NMI: variants seen among roughly 807,000 people sequenced by gnomAD.
NMI encodes the protein N-myc and STAT interactor.
In NMI, 39 loss-of-function variants were observed where a neutral mutation model predicts 34.3. The ratio of observed to expected loss-of-function variants is 1.14; its 90% CI spans 0.88 to 1.49. The LOEUF (loss-of-function observed/expected upper bound fraction) is 1.49. Ranked by LOEUF, NMI falls within the 40% of genes most tolerant of loss-of-function variation. NMI has a pLI of 0.00. For missense variants in NMI, 339 were observed against 358.1 expected (o/e 0.95, Z 0.43); for synonymous variants, 113 against 120.3 (o/e 0.94, Z 0.40).
intron 3 of NMI, 48 bp downstream of exon 3, chr2:151,281,900 A>G: frequency 4.3e-6 from 4 of 921,966 alleles, no homozygotes; most frequent in Non-Finnish European, 7.0e-6. Flanking sequence ...TTTTCCAAAA[A>G]CCATGCATCC....
chr2:151,270,680 G>T lies in NMI; in HGVS notation c.*13C>A, dbSNP rs955338586. The T allele has an allele frequency of 1.3e-6, 2 of 1,582,628 alleles. No individual in the cohort carries two copies. The highest frequency in any genetic ancestry group is 3.3e-4 in the Middle Eastern group (2 of 5,984). ...CGGGTTAAAAAGCTATAGTTTTCAT[G>T]ATTCTGTTAAGTCTATTCTTCAAAG... On this transcript the variant is annotated 3_prime_UTR_variant, in exon 8 of 8. Coordinates refer to ENST00000243346, the MANE Select transcript of NMI (RefSeq NM_004688.3).
At chr2:151,270,993 A>C in intron 7 of NMI, 118 bp from the exon 8 acceptor site, 1 of 848,664 alleles carries the variant, frequency 1.2e-6, no homozygotes, top group Non-Finnish European at 1.8e-6. Flanking sequence ...AAGAAATCTT[A>C]GGAAGATTTT....
intron 1 of NMI, among the ~76,000 whole-genome samples, chr2:151,287,424 A>G (rs1350603783): frequency 6.6e-6 from 1 of 152,084 alleles, no homozygotes; most frequent in African/African-American, 2.4e-5. Context: ...ATGGTCTGAT[A>G]CATTCTAACT....
chr2:151,270,881 A>G lies in NMI; in HGVS notation c.742-6T>C, dbSNP rs1357087563. ...TTAGATGTTCCTGAAAATATCTAAG[A>G]AGGAAAAAATGATAAATAGAAAGAT... On this transcript the variant is annotated splice_region_variant and splice_polypyrimidine_tract_variant and intron_variant, in intron 7 of 7. Transcript: ENST00000243346. 5.0e-6 allele frequency: 8 copies of G among 1,604,318 alleles called. No individual in the cohort carries two copies. In the African/African-American group the frequency reaches 1.1e-4, roughly 22 times the overall value.
chr2:151,288,562 TGA>T (rs921111427), intron 1 of NMI, among the ~76,000 whole-genome samples: 3 of 146,646 alleles, frequency 2.0e-5, no homozygotes, highest in African/African-American at 7.8e-5. Context: ...ATTGTGTATG[TGA>T]GTGTGTGTGT....
rs1683166003 is a variant in NMI, at chr2:151,270,661, A to T, written c.*32T>A. Reference sequence around the variant, plus strand: ...TCAAACATTTACAGTAATCCGGGTTAAAAAGCTATAGTTTTCATGATTCTG... The same window carrying T: ...TCAAACATTTACAGTAATCCGGGTTTAAAAGCTATAGTTTTCATGATTCTG... On this transcript the variant is annotated 3_prime_UTR_variant, in exon 8 of 8. Coordinates refer to ENST00000243346, the MANE Select transcript of NMI (RefSeq NM_004688.3). 1 of 1,534,976 alleles carries T rather than the reference A, an allele frequency of 6.5e-7. No individual in the cohort carries two copies. The highest frequency in any genetic ancestry group is 8.9e-7 in the Non-Finnish European group (1 of 1,129,798).
At chr2:151,271,345 T>G (rs977704489) in intron 7 of NMI, among the ~76,000 whole-genome samples, 10 of 152,316 alleles carry the variant, frequency 6.6e-5, no homozygotes, top group African/African-American at 2.2e-4. Context: ...ACAGTAGACA[T>G]ATGAGAGAAA....
At chr2:151,278,267 T>C (rs1683324993) in intron 4 of NMI, 1 of 152,750 alleles carries the variant, frequency 6.5e-6, no homozygotes, top group South Asian at 2.1e-4. Context: ...AACCCCCAGC[T>C]CTGAACAGGG....
intron 6 of NMI, among the ~76,000 whole-genome samples, chr2:151,274,279 G>A (rs1205004742): frequency 1.4e-5 from 2 of 141,620 alleles, no homozygotes; most frequent in Non-Finnish European, 3.0e-5. Context: ...GGAAGCGGAG[G>A]TTGCAGTGAG....
At position 151,275,688 on chromosome 2, in the gene NMI, G is replaced by A. The variant is rs537397238; in HGVS notation, c.448-18C>T. On this transcript the variant is annotated intron_variant, in intron 5 of 7. Transcript: ENST00000243346. ...ACATAAACCTGGAAAATGATTTGAT[G>A]TTCAGAAATATGGATGAGAGAAGTG... 108 of 1,612,698 alleles carry A rather than the reference G, an allele frequency of 6.7e-5. 1 individual carries two copies. The South Asian group carries it at 1.2e-3, about 17-fold the overall frequency.
In NMI at chr2:151,272,077, G is replaced by A. The variant is rs116221814; in HGVS notation, c.635-345C>T. 5.2e-3 allele frequency among the ~76,000 whole-genome samples: 795 copies of A among 152,252 alleles called. 12 individuals carry two copies. Among genetic ancestry groups the A allele is most frequent in the African/African-American group, 0.018 (756 of 41,530 alleles). On this transcript the variant is annotated intron_variant, in intron 6 of 7. Transcript: ENST00000243346. ...CCCACTCATCTAACAAGACTGGACTGTTTCCCAGTTTCTCAAAAGCTGTAA... is the reference window on the plus strand; with the variant it reads ...CCCACTCATCTAACAAGACTGGACTATTTCCCAGTTTCTCAAAAGCTGTAA...
intron 6 of NMI, among the ~76,000 whole-genome samples, chr2:151,275,095 G>A (rs1011337005): frequency 1.3e-5 from 2 of 151,950 alleles, no homozygotes; most frequent in African/African-American, 4.8e-5. Flanking sequence ...GATTCTCCCT[G>A]CCTCAGCCTC....
chr2:151,272,520 T>TC (rs958173461), intron 6 of NMI, among the ~76,000 whole-genome samples: 1 of 152,078 alleles, frequency 6.6e-6, no homozygotes, highest in Admixed American at 6.6e-5. Context: ...GTATGACAGT[T>TC]CCCCAAAATA....
chr2:151,287,485 A>C (rs568094772), intron 1 of NMI, among the ~76,000 whole-genome samples: 1 of 152,106 alleles, frequency 6.6e-6, no homozygotes, highest in East Asian at 1.9e-4. Context: ...CAGTTCCCTA[A>C]CCACACTGAA....
intron 3 of NMI, among the ~76,000 whole-genome samples, chr2:151,281,554 T>C (rs1402837418): frequency 6.6e-6 from 1 of 152,134 alleles, no homozygotes; most frequent in Admixed American, 6.5e-5. Context: ...CCCCCTTGGG[T>C]TCCCTTCTGG....
At position 151,282,849 on chromosome 2, in the gene NMI, C is replaced by A; in HGVS notation, c.81+19G>T. On this transcript the variant is annotated intron_variant, in intron 2 of 7. Coordinates refer to ENST00000243346, the MANE Select transcript of NMI (RefSeq NM_004688.3). ...GATATAAAATAATTTTTAATAATAC[C>A]CAGTAATTTCCTTTTTACCTTATTT... 3.3e-6 allele frequency: 4 copies of A among 1,205,406 alleles called. No homozygotes were observed. Among genetic ancestry groups the A allele is most frequent in the East Asian group, 5.0e-5 (2 of 40,098 alleles). The allele number at this position is 1,205,406 out of a possible 1,614,324, so 74.7% of individuals were successfully genotyped here. A position where few individuals can be genotyped will look rare whatever the true frequency, so the allele number is the denominator to read the frequency against.
intron 3 of NMI, among the ~76,000 whole-genome samples, chr2:151,281,290 C>T (rs1315413137): frequency 2.6e-5 from 4 of 152,122 alleles, no homozygotes; most frequent in Non-Finnish European, 5.9e-5. Flanking sequence ...ATCTAAATTA[C>T]CAAAGCACCT....
At chr2:151,271,788 C>A (rs1386115286) in intron 6 of NMI, 56 bp from the exon 7 acceptor site, 1 of 857,572 alleles carries the variant, frequency 1.2e-6, no homozygotes, top group South Asian at 1.5e-5. Context: ...CATTTTTAAC[C>A]AAAGTTAAAA....
chr2:151,284,693 A>T (rs575709042), intron 1 of NMI, among the ~76,000 whole-genome samples: 1 of 152,164 alleles, frequency 6.6e-6, no homozygotes, highest in Non-Finnish European at 1.5e-5. Flanking sequence ...TCTTGCCTAC[A>T]TATGAATTTA....
Sources: gnomAD v4.1 joint callset for allele counts (sites outside exome capture counted in the v4.1 genomes callset) on GRCh38, gnomAD v4.1.1 for gene constraint, MANE v1.5 for transcripts, NCBI Gene and HGNC (gene_info 2026-07-23, HGNC 2026-07-21) for gene names.